Variants in CHRM1 observed in about 807,000 individuals in gnomAD.
CHRM1 encodes cholinergic receptor muscarinic 1.
CHRM1 carries 5 observed loss-of-function variants against 31.6 expected under a neutral mutation model. The ratio of observed to expected loss-of-function variants is 0.16; its 90% CI spans 0.08 to 0.33. The LOEUF (loss-of-function observed/expected upper bound fraction) is 0.33. Ranked by LOEUF, CHRM1 falls within the 10% of genes least tolerant of loss-of-function variation. The pLI is 1.00. For synonymous variants in CHRM1, 227 were observed against 249.7 expected, an observed-to-expected ratio of 0.91 and a Z score of 0.86; for missense variants, 338 against 610.3, an observed-to-expected ratio of 0.55 and a Z score of 4.70.
chr11:62,916,182 C>A (rs1384935692), intron 1 of CHRM1, among the ~76,000 whole-genome samples: 1 of 152,214 alleles, frequency 6.6e-6, no homozygotes, highest in Non-Finnish European at 1.5e-5. Context: ...CCCCTCCAGA[C>A]CCCAGGCACG....
intron 1 of CHRM1, among the ~76,000 whole-genome samples, chr11:62,913,437 C>T (rs1038750571): frequency 4.4e-4 from 67 of 152,190 alleles, no homozygotes; most frequent in African/African-American, 1.6e-3. Flanking sequence ...TTTGGGAGAC[C>T]GAGGCGGGTG....
In CHRM1 at chr11:62,910,940, G is replaced by A. The variant is rs369184258; in HGVS notation, c.161C>T (p.Thr54Met). 28 of 1,614,072 alleles carry A rather than the reference G, an allele frequency of 1.7e-5. No homozygotes were observed. Among genetic ancestry groups the A allele is most frequent in the Non-Finnish European group, 2.1e-5 (25 of 1,180,042 alleles). The change falls in exon 2 of 2, where the codon ACG (threonine) becomes ATG (methionine). Residue 54 changes from threonine to methionine, a missense_variant. By Grantham distance (81) the Thr-to-Met change is moderately conservative. Around this residue, in one of 4 missense-constraint regions of CHRM1, gnomAD observed 85 missense variants for 257.7 expected, o/e 0.33. Transcript: ENST00000306960. This position sits in a 1 kb window ranked among gnomAD's most constrained non-coding sequence, Gnocchi z 8.7. ...GTAGTTATTGACTGTCTTGAGCTCCGTGTTGACCTTGAAAGAGATGAGTAC... is the reference window on the plus strand; with the variant it reads ...GTAGTTATTGACTGTCTTGAGCTCCATGTTGACCTTGAAAGAGATGAGTAC... ...LLVLISFKVN[T>M]ELKTVNNYFL... is the part of the protein sequence containing the mutation.
chr11:62,910,431 C>T lies in CHRM1; in HGVS notation c.670G>A (p.Ala224Thr). The T allele has an allele frequency of 6.2e-7, 1 of 1,613,426 alleles. No homozygotes were observed. The highest frequency in any genetic ancestry group is 8.5e-7 in the Non-Finnish European group (1 of 1,180,042). ...ETENRARELA[A>T]LQGSETPGKG... ...CCTGGCGTCTCGGAGCCCTGAAGGG[C>T]TGCCAGCTCCCGTGCTCGGTTCTCT... The change falls in exon 2 of 2, where the codon GCC (alanine) becomes ACC (threonine). Residue 224 changes from alanine (A) to threonine (T), a missense_variant. Physicochemically the swap from Ala to Thr is moderately conservative, Grantham distance 58 (BLOSUM62 0). Coordinates refer to ENST00000306960, the MANE Select transcript of CHRM1 (RefSeq NM_000738.3). The surrounding 1 kb of genome is among the most constrained non-coding windows in gnomAD (Gnocchi z 8.7).
At chr11:62,916,646 C>T (rs969743529) in intron 1 of CHRM1, among the ~76,000 whole-genome samples, 1 of 152,238 alleles carries the variant, frequency 6.6e-6, no homozygotes, top group Non-Finnish European at 1.5e-5. Context: ...AATATATATT[C>T]TTTCCCTTAA....
chr11:62,917,383 G>A (rs961210543), intron 1 of CHRM1, among the ~76,000 whole-genome samples: 3 of 152,206 alleles, frequency 2.0e-5, no homozygotes, highest in Non-Finnish European at 2.9e-5. Flanking sequence ...CATCCATGGG[G>A]GCTGGGGCTC....
chr11:62,920,344 C>T (rs1051413972), intron 1 of CHRM1, among the ~76,000 whole-genome samples: 2 of 152,180 alleles, frequency 1.3e-5, no homozygotes, highest in Non-Finnish European at 2.9e-5. Flanking sequence ...CTGACGACCC[C>T]CTCCCCAGCT....
intron 1 of CHRM1, among the ~76,000 whole-genome samples, chr11:62,916,311 C>G (rs1303604399): frequency 6.6e-6 from 1 of 152,222 alleles, no homozygotes; most frequent in African/African-American, 2.4e-5. Context: ...AGAAAGAACC[C>G]AAGTCCCTGA....
rs139087623 is a variant in CHRM1, at chr11:62,910,483, C to T, written c.618G>A (p.Thr206=). The change falls in exon 2 of 2, where the codon ACG becomes ACA. Residue 206 remains threonine, a synonymous_variant. Transcript: ENST00000306960. The surrounding 1 kb of genome is among the most constrained non-coding windows in gnomAD (Gnocchi z 8.7). ...AFYLPVTVMC[T]LYWRIYRETE... ...TCTCCCGGTAGATGCGCCAGTAGAGCGTGCACATGACTGTGACAGGGAGGT... is the reference window on the plus strand; with the variant it reads ...TCTCCCGGTAGATGCGCCAGTAGAGTGTGCACATGACTGTGACAGGGAGGT... 53 of 1,614,148 alleles carry T rather than the reference C, an allele frequency of 3.3e-5. No homozygotes were observed. The highest frequency in any genetic ancestry group is 4.5e-5 in the East Asian group (2 of 44,882).
intron 1 of CHRM1, among the ~76,000 whole-genome samples, chr11:62,919,558 C>T (rs2085919884): frequency 6.6e-6 from 1 of 152,164 alleles, no homozygotes; most frequent in African/African-American, 2.4e-5. Context: ...CGCAAGCCCC[C>T]TGCTCCTGGC....
chr11:62,909,549 A>C lies in CHRM1; in HGVS notation c.*169T>G. The stretch of plus-strand genomic sequence containing the variant: ...TTCCCTCCCTGCCTGGGAATAGCGA[A>C]GTCTGGAAAGTTGGCAGGGTCTCTC... On this transcript the variant is annotated 3_prime_UTR_variant, in exon 2 of 2. Coordinates refer to ENST00000306960, the MANE Select transcript of CHRM1 (RefSeq NM_000738.3). 2 of 753,476 alleles carry C rather than the reference A, an allele frequency of 2.7e-6. No homozygotes were observed. Among genetic ancestry groups the C allele is most frequent in the Non-Finnish European group, 4.2e-6 (2 of 470,688 alleles). 46.7% of individuals were successfully genotyped at this position (753,476 alleles called of 1,614,324 possible).
chr11:62,909,474 G>GA lies in CHRM1; in HGVS notation c.*243dup. The GA allele has an allele frequency of 1.8e-6, 1 of 540,898 alleles. No homozygotes were observed. The highest frequency in any genetic ancestry group is 3.3e-6 in the Non-Finnish European group (1 of 306,072). The allele number at this position is 540,898 out of a possible 1,614,324, so 33.5% of individuals were successfully genotyped here. ...CCTCCTCCCGGGCCTTCTTCCTGGT[G>GA]AAGAGCGCATTCCCACCCAGCAGGG... On this transcript the variant is annotated 3_prime_UTR_variant, in exon 2 of 2. Coordinates refer to ENST00000306960, the MANE Select transcript of CHRM1 (RefSeq NM_000738.3).
chr11:62,911,218 C>T (rs902123911), intron 1 of CHRM1, 40 bp from the exon 2 acceptor site: 2 of 941,340 alleles, frequency 2.1e-6, no homozygotes, highest in Admixed American at 5.5e-5. Context: ...GGCCACTGGA[C>T]ATTTCTGATA....
chr11:62,909,520 G>T lies in CHRM1; in HGVS notation c.*198C>A. On this transcript the variant is annotated 3_prime_UTR_variant, in exon 2 of 2. Transcript: ENST00000306960. ...CAGGGAACAGAAAAACCAGTTCCCCGGGTTTCCCTCCCTGCCTGGGAATAG... is the reference window on the plus strand; with the variant it reads ...CAGGGAACAGAAAAACCAGTTCCCCTGGTTTCCCTCCCTGCCTGGGAATAG... The T allele has an allele frequency of 1.3e-5, 8 of 628,200 alleles. No individual in the cohort carries two copies. The highest frequency in any genetic ancestry group is 2.1e-5 in the South Asian group (1 of 46,938). The allele number at this position is 628,200 out of a possible 1,614,324, so 38.9% of individuals were successfully genotyped here.
chr11:62,917,114 C>T (rs1023156264), intron 1 of CHRM1, among the ~76,000 whole-genome samples: 1 of 152,192 alleles, frequency 6.6e-6, no homozygotes, highest in Non-Finnish European at 1.5e-5. Context: ...GTGACCTTGT[C>T]CAAGTCTCCT....
At chr11:62,918,169 G>C (rs557542090) in intron 1 of CHRM1, 106 of 152,408 alleles carry the variant, frequency 7.0e-4, no homozygotes, top group African/African-American at 2.5e-3. Context: ...CCTTCTTTCA[G>C]AATCTGGCCT....
At position 62,909,646 on chromosome 11, in the gene CHRM1, G is replaced by T; in HGVS notation, c.*72C>A. 1 of 1,534,924 alleles carries T rather than the reference G, an allele frequency of 6.5e-7. No homozygotes were observed. The highest frequency in any genetic ancestry group is 8.8e-7 in the Non-Finnish European group (1 of 1,131,478). Reference sequence around the variant, plus strand: ...GCCTGAGCAGGGCCCTGGGGCTGAGGATGCAGCCCCTGCCCTCTTCCCACC... The same window carrying T: ...GCCTGAGCAGGGCCCTGGGGCTGAGTATGCAGCCCCTGCCCTCTTCCCACC... On this transcript the variant is annotated 3_prime_UTR_variant, in exon 2 of 2. Coordinates refer to ENST00000306960, the MANE Select transcript of CHRM1 (RefSeq NM_000738.3).
In CHRM1 at chr11:62,909,830, G is replaced by T. The variant is rs565800595; in HGVS notation, c.1271C>A (p.Ala424Asp). Residue 424 changes from alanine to aspartate, a missense_variant, in exon 2 of 2, where the codon GCC (alanine) becomes GAC (aspartate). By Grantham distance (126) the Ala-to-Asp change is moderately radical (BLOSUM62 -2). Around this residue, in one of 4 missense-constraint regions of CHRM1, gnomAD observed 68 missense variants for 108.5 expected, o/e 0.63. Coordinates refer to ENST00000306960, the MANE Select transcript of CHRM1 (RefSeq NM_000738.3). Reference sequence around the variant, plus strand: ...CAGCAGGCGAAAGGTGTCCCGGAAGGCTTTGTTGCAGAGTGCGTAGCACAT... The same window carrying T: ...CAGCAGGCGAAAGGTGTCCCGGAAGTCTTTGTTGCAGAGTGCGTAGCACAT... ...NPMCYALCNK[A>D]FRDTFRLLLL... The T allele has an allele frequency of 6.2e-7, 1 of 1,614,142 alleles. No homozygotes were observed. Among genetic ancestry groups the T allele is most frequent in the African/African-American group, 1.3e-5 (1 of 74,964 alleles).
At chr11:62,912,031 G>T (rs879258734) in intron 1 of CHRM1, among the ~76,000 whole-genome samples, 6 of 152,136 alleles carry the variant, frequency 3.9e-5, no homozygotes, top group Admixed American at 1.3e-4. Flanking sequence ...TATGAGGGCA[G>T]CAGGGAAAAT....
At chr11:62,918,343 T>C (rs1172152057) in intron 1 of CHRM1, 1 of 152,186 alleles carries the variant, frequency 6.6e-6, no homozygotes, top group African/African-American at 2.4e-5. Context: ...AGTTGCTCAA[T>C]AAATACCTGT....
Sources: allele counts gnomAD v4.1 joint callset (sites outside exome capture counted in the v4.1 genomes callset), GRCh38; gene constraint gnomAD v4.1.1; regional missense constraint gnomAD v4.1.1; non-coding constraint Gnocchi (gnomAD v3.1); transcripts MANE v1.5; gene names NCBI Gene and HGNC (gene_info 2026-07-23, HGNC 2026-07-21).